CD2AP: variants seen among roughly 807,000 people sequenced by gnomAD.
CD2AP encodes CD2 associated protein, also known as CD2-associated protein.
In CD2AP, 46 loss-of-function variants were observed where a neutral mutation model predicts 85.1. The observed-to-expected ratio is 0.54, with a 90% CI of 0.43 to 0.69. The LOEUF (loss-of-function observed/expected upper bound fraction) is 0.69. Ranked by LOEUF, CD2AP falls within the 30% of genes least tolerant of loss-of-function variation. The probability of loss-of-function intolerance (pLI) is 0.00; values close to 1 mark genes in which losing one functional copy is unlikely to be tolerated. For missense variants in CD2AP, 769 were observed against 729.5 expected (o/e 1.05, Z -0.62); for synonymous variants, 255 against 252.9 (o/e 1.01, Z -0.08).
At chr6:47,522,105 G>A (rs1249961775) in intron 2 of CD2AP, among the ~76,000 whole-genome samples, 1 of 152,118 alleles carries the variant, frequency 6.6e-6, no homozygotes. Flanking sequence ...TCACTGATGA[G>A]TTTCATATAA....
intron 2 of CD2AP, among the ~76,000 whole-genome samples, chr6:47,509,152 G>A (rs1208429642): frequency 1.3e-5 from 2 of 152,146 alleles, no homozygotes; most frequent in South Asian, 2.1e-4. Context: ...GCCCTGAGGA[G>A]TGGGAAAGGG....
intron 8 of CD2AP, among the ~76,000 whole-genome samples, chr6:47,578,009 A>C (rs1002448775): frequency 1.3e-5 from 2 of 150,834 alleles, no homozygotes; most frequent in Admixed American, 1.3e-4. Context: ...TAGTGAAGCA[A>C]ATTGACATCT....
chr6:47,592,672 A>G (rs942908464), intron 11 of CD2AP, among the ~76,000 whole-genome samples: 2 of 152,134 alleles, frequency 1.3e-5, no homozygotes, highest in Non-Finnish European at 2.9e-5. Flanking sequence ...AGGGGAACCA[A>G]CCAAATGTTT....
chr6:47,507,188 A>G (rs952379734), intron 2 of CD2AP, among the ~76,000 whole-genome samples: 6 of 152,174 alleles, frequency 3.9e-5, no homozygotes, highest in African/African-American at 1.4e-4. Flanking sequence ...ATTCAGTCAC[A>G]TCTTTATGCT....
chr6:47,591,117 C>T (rs1313181668), intron 11 of CD2AP, among the ~76,000 whole-genome samples: 1 of 151,606 alleles, frequency 6.6e-6, no homozygotes, highest in Non-Finnish European at 1.5e-5. Flanking sequence ...TACCATGTTA[C>T]CACGTAGCAA....
At chr6:47,557,651 T>C (rs1490942972) in intron 5 of CD2AP, among the ~76,000 whole-genome samples, 1 of 152,238 alleles carries the variant, frequency 6.6e-6, no homozygotes, top group African/African-American at 2.4e-5. Context: ...TGTGGTGTTA[T>C]TTCTGAGGCC....
intron 2 of CD2AP, among the ~76,000 whole-genome samples, chr6:47,527,874 G>C (rs1216858099): frequency 6.6e-6 from 1 of 152,126 alleles, no homozygotes; most frequent in Non-Finnish European, 1.5e-5. Flanking sequence ...AGAAAATTGG[G>C]TTCACTAGTA....
chr6:47,605,062 G>GAGT (rs1282175350), intron 13 of CD2AP, among the ~76,000 whole-genome samples: 47 of 151,922 alleles, frequency 3.1e-4, no homozygotes, highest in Non-Finnish European at 1.2e-4. Flanking sequence ...AGTATCTTTA[G>GAGT]ATCTTTTTAA....
At chr6:47,523,871 A>G (rs1437839097) in intron 2 of CD2AP, among the ~76,000 whole-genome samples, 1 of 152,192 alleles carries the variant, frequency 6.6e-6, no homozygotes, top group Non-Finnish European at 1.5e-5. Context: ...CAGACATAGT[A>G]TATGTTGAAA....
At chr6:47,595,548 A>G (rs948690412) in intron 11 of CD2AP, among the ~76,000 whole-genome samples, 1 of 152,016 alleles carries the variant, frequency 6.6e-6, no homozygotes, top group Non-Finnish European at 1.5e-5. Flanking sequence ...GTGTGGTTGT[A>G]TTTGAGATAG....
intron 13 of CD2AP, among the ~76,000 whole-genome samples, chr6:47,602,933 A>G (rs918374378): frequency 2.0e-5 from 3 of 152,006 alleles, no homozygotes; most frequent in Non-Finnish European, 2.9e-5. Context: ...TTTTAAAGAA[A>G]CACATTATTC....
At chr6:47,540,396 G>T (rs1767182501) in intron 3 of CD2AP, among the ~76,000 whole-genome samples, 1 of 151,950 alleles carries the variant, frequency 6.6e-6, no homozygotes. Context: ...TAAATTAATG[G>T]ATGGATTCAA....
At chr6:47,590,792 A>G (rs997280760) in intron 11 of CD2AP, among the ~76,000 whole-genome samples, 4 of 152,154 alleles carry the variant, frequency 2.6e-5, no homozygotes, top group Admixed American at 6.6e-5. Context: ...TGAAGATACA[A>G]TGTTTTTCAA....
At chr6:47,619,080 A>C (rs540869452) in intron 17 of CD2AP, among the ~76,000 whole-genome samples, 8 of 152,228 alleles carry the variant, frequency 5.3e-5, no homozygotes, top group African/African-American at 1.9e-4. Flanking sequence ...CTGATAACTA[A>C]TTTTTTTCCA....
At chr6:47,479,942 G>A (rs373308184) in intron 1 of CD2AP, among the ~76,000 whole-genome samples, 9 of 151,962 alleles carry the variant, frequency 5.9e-5, no homozygotes, top group African/African-American at 2.2e-4. Context: ...TTCTGCATAG[G>A]GGAAAAATCA....
chr6:47,554,194 A>G (rs1767611604), intron 4 of CD2AP, among the ~76,000 whole-genome samples: 1 of 152,154 alleles, frequency 6.6e-6, no homozygotes, highest in Non-Finnish European at 1.5e-5. Context: ...TACAGACCTG[A>G]GCCACCGTGC....
intron 4 of CD2AP, 68 bp downstream of exon 4, chr6:47,544,774 A>G: frequency 1.1e-6 from 1 of 941,718 alleles, no homozygotes; most frequent in Non-Finnish European, 1.7e-6. Flanking sequence ...AGAAAAATTA[A>G]TTGTAAGAAT....
intron 1 of CD2AP, among the ~76,000 whole-genome samples, chr6:47,488,292 CT>C (rs1230725942): frequency 1.3e-5 from 2 of 152,050 alleles, no homozygotes; most frequent in African/African-American, 4.8e-5. Flanking sequence ...TTCAAAATAA[CT>C]TAATGTTTGA....
At chr6:47,532,207 C>T (rs9369710) in intron 2 of CD2AP, among the ~76,000 whole-genome samples, 1 of 151,506 alleles carries the variant, frequency 6.6e-6, no homozygotes, top group Non-Finnish European at 1.5e-5. Context: ...GGTTGGCCAC[C>T]GAGGCTCACT....
Sources: allele counts gnomAD v4.1 joint callset (sites outside exome capture counted in the v4.1 genomes callset), GRCh38; gene constraint gnomAD v4.1.1; transcripts MANE v1.5; gene names NCBI Gene and HGNC (gene_info 2026-07-23, HGNC 2026-07-21).